XIST: variants seen among roughly 807,000 people sequenced by gnomAD.
XIST encodes the protein X inactive specific transcript, also known as X inactive specific transcript (non-protein coding).
exon 1 of XIST, chrX:73,848,076 T>C (rs779699156): frequency 5.4e-6 from 3 of 558,905 alleles, no homozygotes; most frequent in East Asian, 6.5e-5. Context: ...CAAATGCAAG[T>C]AGCACATTAA....
In XIST at chrX:73,831,324, T is replaced by A. The variant is rs755773414; in HGVS notation, n.11544-50A>T. 1.9e-5 allele frequency: 9 copies of A among 474,177 alleles called. No individual in the cohort carries two copies. In the East Asian group the frequency reaches 3.3e-4, roughly 17 times the overall value. 39.1% of individuals were successfully genotyped at this position (474,177 alleles called of 1,213,427 possible). A position where few individuals can be genotyped will look rare whatever the true frequency, so the allele number is the denominator to read the frequency against. ...ATTGAAATGCAGTACACTGGGAAAG[T>A]CTGTTCTAATGGGCAACTAGTGGTT... On this transcript the variant is annotated intron_variant and non_coding_transcript_variant, in intron 3 of 5. Transcript: ENST00000429829.
intron 2 of XIST, among the ~76,000 whole-genome samples, chrX:73,834,942 C>T (rs937179084): frequency 1.4e-4 from 15 of 106,299 alleles, no homozygotes; most frequent in South Asian, 4.3e-4. Context: ...TGCAGTGAGT[C>T]GAGATCGTGC....
At chrX:73,848,382 A>C (rs1922828089) in exon 1 of XIST, 1 of 554,034 alleles carries the variant, frequency 1.8e-6, no homozygotes, top group South Asian at 2.3e-5. Context: ...TAAAAGACTC[A>C]GTTCTAATCA....
exon 1 of XIST, chrX:73,851,926 C>CA (rs760456851): frequency 2.0e-5 from 11 of 551,728 alleles, no homozygotes; most frequent in South Asian, 4.5e-5. Context: ...TGATCAGCAG[C>CA]AAAAAAAAGT....
chrX:73,843,810 T>C lies in XIST; in HGVS notation n.8914A>G, dbSNP rs193291430. 113 of 557,025 alleles carry C rather than the reference T, an allele frequency of 2.0e-4. 1 individual carries two copies. Among genetic ancestry groups the C allele is most frequent in the Admixed American group, 1.4e-3 (63 of 44,910 alleles). 45.9% of individuals were successfully genotyped at this position (557,025 alleles called of 1,213,427 possible). On this transcript the variant is annotated non_coding_transcript_exon_variant, in exon 1 of 6. Transcript: ENST00000429829. ...GTGCACAGATCAGGAGCAAATGTAA[T>C]TGCACATATTAACAGTCCAAAACAA... is the stretch of plus-strand genomic sequence containing the variant.
exon 1 of XIST, chrX:73,850,866 A>G (rs1333006992): frequency 1.9e-6 from 1 of 536,322 alleles, no homozygotes; most frequent in African/African-American, 2.3e-5. Flanking sequence ...AAGAGGCAGC[A>G]CTGGACAGGA....
chrX:73,831,408 T>C, intron 3 of XIST: 1 of 403,089 alleles, frequency 2.5e-6, no homozygotes, highest in Non-Finnish European at 4.3e-6. Flanking sequence ...ACATTTACAG[T>C]TGTGCGGAGC....
chrX:73,852,559 T>C (rs1194053272), exon 1 of XIST: 3 of 502,032 alleles, frequency 6.0e-6, no homozygotes, highest in South Asian at 2.8e-5. Context: ...GGAGAAAGTA[T>C]AGAATTTAAA....
At chrX:73,828,058 G>A in intron 5 of XIST, 2 of 441,008 alleles carry the variant, frequency 4.5e-6, no homozygotes, top group Middle Eastern at 3.7e-4. Flanking sequence ...TACAGTGAGG[G>A]GCACAAGAGG....
chrX:73,845,529 G>A, exon 1 of XIST: 1 of 557,026 alleles, frequency 1.8e-6, no homozygotes, highest in Non-Finnish European at 3.2e-6. Context: ...GTGTGGCAGG[G>A]GAGGCTTTCA....
intron 5 of XIST, chrX:73,828,272 T>C (rs1922309435): frequency 3.8e-6 from 1 of 263,993 alleles, no homozygotes; most frequent in African/African-American, 2.8e-5. Flanking sequence ...TGCTACCTGA[T>C]AGTGCTAGTG....
At chrX:73,851,744 A>G (rs745707826) in exon 1 of XIST, 2 of 559,132 alleles carry the variant, frequency 3.6e-6, no homozygotes, top group Non-Finnish European at 6.5e-6. Context: ...CTGACCTGCT[A>G]TCATCCATCT....
chrX:73,844,177 G>A lies in XIST; in HGVS notation n.8547C>T, dbSNP rs752858310. 2.2e-5 allele frequency: 12 copies of A among 556,619 alleles called. No individual in the cohort carries two copies. The South Asian group carries it at 2.2e-4, about 10-fold the overall frequency. 45.9% of individuals were successfully genotyped at this position (556,619 alleles called of 1,213,427 possible). On this transcript the variant is annotated non_coding_transcript_exon_variant, in exon 1 of 6. Coordinates refer to ENST00000429829, the Ensembl canonical transcript of XIST. ...ATGCATGTCAACAAGCCAAGAAAAGGGGACTTAGGGGGTCAGCAACCCTGG... is the reference window on the plus strand; with the variant it reads ...ATGCATGTCAACAAGCCAAGAAAAGAGGACTTAGGGGGTCAGCAACCCTGG...
At position 73,845,885 on chromosome X, in the gene XIST, A is replaced by G. The variant is rs771349198; in HGVS notation, n.6839T>C. 31 of 554,080 alleles carry G rather than the reference A, an allele frequency of 5.6e-5. No individual in the cohort carries two copies. In the East Asian group the frequency reaches 6.2e-4, roughly 11 times the overall value. 45.7% of individuals were successfully genotyped at this position (554,080 alleles called of 1,213,427 possible). On this transcript the variant is annotated non_coding_transcript_exon_variant, in exon 1 of 6. Coordinates refer to ENST00000429829, the Ensembl canonical transcript of XIST. ...AACCCAGACAAATATAATCACGCAC[A>G]TAACAGGCCAAGAAAAGGGGCCTTG...
chrX:73,821,378 T>C (rs755465940), exon 6 of XIST: 19 of 554,574 alleles, frequency 3.4e-5, no homozygotes, highest in African/African-American at 3.3e-4. Context: ...TTGAAGCATA[T>C]TTTGGCTTCA....
Position 73,830,991 on chromosome X carries a change from C to G in XIST, n.11752+75G>C, listed in dbSNP as rs754346390. On this transcript the variant is annotated intron_variant and non_coding_transcript_variant, in intron 4 of 5. Transcript: ENST00000429829. ...TGATGAATACGACCTCAGTGAAACA[C>G]TAAGTGCAATGTATACTGGAAAACA... 14 of 499,746 alleles carry G rather than the reference C, an allele frequency of 2.8e-5. No homozygotes were observed. In the Admixed American group the frequency reaches 3.7e-4, roughly 13 times the overall value. 41.2% of individuals were successfully genotyped at this position (499,746 alleles called of 1,213,427 possible).
exon 6 of XIST, chrX:73,826,145 A>G: frequency 1.8e-6 from 1 of 559,317 alleles, no homozygotes; most frequent in Admixed American, 2.2e-5. Flanking sequence ...TGTTGCTGGC[A>G]GGTGCTTCTC....
chrX:73,823,839 T>C lies in XIST; in HGVS notation n.16062A>G, dbSNP rs766924632. On this transcript the variant is annotated non_coding_transcript_exon_variant, in exon 6 of 6. Transcript: ENST00000429829. ...ACTTTTGGTCTGGATCTCACACCTA[T>C]ATTACTTCATTTCCTTCTGTGAGCA... The C allele has an allele frequency of 4.7e-5, 26 of 556,880 alleles. No individual in the cohort carries two copies. The South Asian group carries it at 5.6e-4, about 12-fold the overall frequency. The allele number at this position is 556,880 out of a possible 1,213,427, so 45.9% of individuals were successfully genotyped here. A position where few individuals can be genotyped will look rare whatever the true frequency, so the allele number is the denominator to read the frequency against.
In XIST at chrX:73,844,652, G is replaced by C. The variant is rs756835613; in HGVS notation, n.8072C>G. 11 of 556,637 alleles carry C rather than the reference G, an allele frequency of 2.0e-5. No homozygotes were observed. In the African/African-American group the frequency reaches 2.2e-4, roughly 11 times the overall value. 45.9% of individuals were successfully genotyped at this position (556,637 alleles called of 1,213,427 possible). ...AGAAAGATTATGCGTAGATGGGATG[G>C]GGCAGAGGAGGCTTCCTTGTCTAGT... On this transcript the variant is annotated non_coding_transcript_exon_variant, in exon 1 of 6. Transcript: ENST00000429829.
Sources: gnomAD v4.1 joint callset for allele counts (sites outside exome capture counted in the v4.1 genomes callset) on GRCh38, gnomAD v4.1.1 for gene constraint, MANE v1.5 for transcripts, NCBI Gene and HGNC (gene_info 2026-07-23, HGNC 2026-07-21) for gene names.